The following SQLE variants were observed in gnomAD, a reference collection of about 807,000 sequenced individuals.
SQLE encodes squalene epoxidase, also known as squalene monooxygenase.
Under a neutral mutation model 60.7 loss-of-function variants are expected in SQLE, and 29 were observed. That is an observed-to-expected ratio of 0.48 (90% CI 0.36 to 0.65). The LOEUF is 0.65. Ranked by LOEUF, SQLE falls within the 30% of genes least tolerant of loss-of-function variation. The pLI is 0.00. For missense variants in SQLE, 605 were observed against 684.1 expected (o/e 0.88, Z 1.29); for synonymous variants, 237 against 246.8 (o/e 0.96, Z 0.37).
chr8:125,009,399 T>G, intron 6 of SQLE, 56 bp downstream of exon 6: 1 of 1,474,206 alleles, frequency 6.8e-7, no homozygotes, highest in Middle Eastern at 1.9e-4. Context: ...AGGCCAGAGA[T>G]AAGGATGGCA....
In SQLE at chr8:125,016,665, G is replaced by C. The variant is rs1194271063; in HGVS notation, c.1205-1394G>C. On this transcript the variant is annotated intron_variant, in intron 7 of 10. Coordinates refer to ENST00000265896, the MANE Select transcript of SQLE (RefSeq NM_003129.4). This position sits in a 1 kb window ranked among gnomAD's most constrained non-coding sequence, Gnocchi z 4.1. Reference sequence around the variant, plus strand: ...TTCCTGGATGGTTTTGATGACTGTGGATGTTCACCAATGTCTGGGCATTGA... The same window carrying C: ...TTCCTGGATGGTTTTGATGACTGTGCATGTTCACCAATGTCTGGGCATTGA... Among the ~76,000 whole-genome samples, 1 of 152,130 alleles carries C rather than the reference G, an allele frequency of 6.6e-6. No individual in the cohort carries two copies.
At chr8:125,014,870 A>G (rs1815088697) in intron 7 of SQLE, among the ~76,000 whole-genome samples, 1 of 152,124 alleles carries the variant, frequency 6.6e-6, no homozygotes, top group Non-Finnish European at 1.5e-5. Context: ...TGCTGAGGAG[A>G]AGAATGTGTA....
At chr8:125,006,133 T>G (rs952822448) in intron 3 of SQLE, among the ~76,000 whole-genome samples, 7 of 152,222 alleles carry the variant, frequency 4.6e-5, no homozygotes, top group African/African-American at 1.4e-4. Context: ...AGGACTGGCT[T>G]CTTCTCTTGT....
At chr8:125,021,474 A>G (rs1273152892) in intron 10 of SQLE, among the ~76,000 whole-genome samples, 3 of 143,978 alleles carry the variant, frequency 2.1e-5, no homozygotes, top group Non-Finnish European at 1.5e-5. Flanking sequence ...TGTAAACTAG[A>G]GTTACAGGAG....
intron 1 of SQLE, 40 bp downstream of exon 1, chr8:124,999,734 A>G (rs1272581520): frequency 6.5e-7 from 1 of 1,532,740 alleles, no homozygotes; most frequent in Admixed American, 2.1e-5. Context: ...TGTCTTATTT[A>G]GGAGTAGGAT....
At chr8:125,013,055 G>A (rs1425762615) in intron 7 of SQLE, among the ~76,000 whole-genome samples, 3 of 152,168 alleles carry the variant, frequency 2.0e-5, no homozygotes, top group Non-Finnish European at 4.4e-5. Context: ...GTTGTTTGGA[G>A]AAATGTATAT....
intron 1 of SQLE, among the ~76,000 whole-genome samples, chr8:125,000,553 C>T (rs189263262): frequency 8.7e-4 from 132 of 152,262 alleles, no homozygotes; most frequent in South Asian, 1.7e-3. Context: ...AAGCGATTCT[C>T]GTGCCTCACT....
intron 7 of SQLE, among the ~76,000 whole-genome samples, chr8:125,012,072 C>G (rs16900177): frequency 0.38 from 57,304 of 150,460 alleles, 12,920 homozygotes; most frequent in African/African-American, 0.62. Flanking sequence ...GAGGTGGACA[C>G]TAAGATGAGG....
intron 3 of SQLE, among the ~76,000 whole-genome samples, chr8:125,006,850 ACAT>A (rs1563596984): frequency 1.3e-5 from 2 of 151,536 alleles, no homozygotes; most frequent in Admixed American, 1.3e-4. Flanking sequence ...GATTACAGGC[ACAT>A]GCCACCACGC....
At position 124,998,583 on chromosome 8, in the gene SQLE, G is replaced by C. The variant is rs962977707; in HGVS notation, c.-821G>C. On this transcript the variant is annotated 5_prime_UTR_variant, in exon 1 of 11. Coordinates refer to ENST00000265896, the MANE Select transcript of SQLE (RefSeq NM_003129.4). ...CTGGGGCCGCGCCGCGCTGGCGAGA[G>C]CCGCCGCCCGCGAGGGATGCTGGTG... is the stretch of plus-strand genomic sequence containing the variant. 2 of 685,974 alleles carry C rather than the reference G, an allele frequency of 2.9e-6. No homozygotes were observed. Among genetic ancestry groups the C allele is most frequent in the Non-Finnish European group, 5.3e-6 (2 of 377,594 alleles). The allele number at this position is 685,974 out of a possible 1,614,324, so 42.5% of individuals were successfully genotyped here.
chr8:125,007,225 T>C (rs556420299), intron 3 of SQLE, among the ~76,000 whole-genome samples, 166 bp from the exon 4 acceptor site: 16 of 152,252 alleles, frequency 1.1e-4, no homozygotes, highest in Admixed American at 9.8e-4. Flanking sequence ...ATTAGTAATA[T>C]GTATTAAATG....
In SQLE at chr8:124,999,266, C is replaced by T. The variant is rs758235473; in HGVS notation, c.-138C>T. 1.4e-4 allele frequency: 112 copies of T among 787,290 alleles called. No individual in the cohort carries two copies. The highest frequency in any genetic ancestry group is 1.5e-4 in the Non-Finnish European group (87 of 567,884). The allele number at this position is 787,290 out of a possible 1,614,324, so 48.8% of individuals were successfully genotyped here. ...TTTAAAAACTGGTCTGATCGGACTTCTCGTCCTGGGACACTGTTTACTGGA... is the reference window on the plus strand; with the variant it reads ...TTTAAAAACTGGTCTGATCGGACTTTTCGTCCTGGGACACTGTTTACTGGA... On this transcript the variant is annotated 5_prime_UTR_variant, in exon 1 of 11. Transcript: ENST00000265896.
At chr8:125,011,299 GTATGTT>G in intron 6 of SQLE, 1 of 317,544 alleles carries the variant, frequency 3.1e-6, no homozygotes. Context: ...TCAGTTGTAT[GTATGTT>G]TATATTAATG....
rs1176820854 is a variant in SQLE at position 125,018,174 on chromosome 8, C to T, written c.1320C>T (p.Asp440=). ...LWRKLLKGIP[D]LYDDAAIFEA... is the part of the protein sequence containing the mutation. ...GAAAACTGCTAAAGGGTATCCCTGA[C>T]CTTTATGATGATGCAGCTATTTTCG... Residue 440 remains aspartate, a synonymous_variant, in exon 8 of 11, where the codon GAC becomes GAT. Transcript: ENST00000265896. 1 of 1,606,650 alleles carries T rather than the reference C, an allele frequency of 6.2e-7. No individual in the cohort carries two copies. Among genetic ancestry groups the T allele is most frequent in the Admixed American group, 1.7e-5 (1 of 57,408 alleles).
At chr8:125,002,625 C>T (rs1222297953) in intron 1 of SQLE, among the ~76,000 whole-genome samples, 2 of 152,092 alleles carry the variant, frequency 1.3e-5, no homozygotes, top group Non-Finnish European at 2.9e-5. Flanking sequence ...TGCAGTGATC[C>T]GAGATTGCGC....
In SQLE at chr8:125,006,076, T is replaced by G. The variant is rs1814940977; in HGVS notation, c.725+371T>G. The stretch of plus-strand genomic sequence containing the variant: ...TCTATTAGAAGTCAGGATACAAAAC[T>G]GCAAGGAGAAATCCCTGTTTCATTC... On this transcript the variant is annotated intron_variant, in intron 3 of 10. Transcript: ENST00000265896. 1.3e-5 allele frequency among the ~76,000 whole-genome samples: 2 copies of G among 152,232 alleles called. 1 individual carries two copies. Among genetic ancestry groups the G allele is most frequent in the South Asian group, 4.1e-4 (2 of 4,834 alleles).
intron 10 of SQLE, 21 bp downstream of exon 10, chr8:125,020,892 G>A (rs763949311): frequency 6.3e-7 from 1 of 1,575,084 alleles, no homozygotes; most frequent in Non-Finnish European, 8.7e-7. Flanking sequence ...ATGGCACAGA[G>A]GATACAAACC....
In SQLE at chr8:125,018,099, A is replaced by G; in HGVS notation, c.1245A>G (p.Pro415=). Residue 415 remains proline, a synonymous_variant, in exon 8 of 11, where the codon CCA becomes CCG. Transcript: ENST00000265896. ...LLGDAYNMRH[P]LTGGGMTVAF... is the part of the protein sequence containing the mutation. ...GAGACGCATATAATATGAGGCATCCACTTACTGGTGGAGGAATGACTGTTG... is the reference window on the plus strand; with the variant it reads ...GAGACGCATATAATATGAGGCATCCGCTTACTGGTGGAGGAATGACTGTTG... 6.2e-7 allele frequency: 1 copy of G among 1,613,912 alleles called. No homozygotes were observed. Among genetic ancestry groups the G allele is most frequent in the Non-Finnish European group, 8.5e-7 (1 of 1,179,862 alleles).
Position 125,018,621 on chromosome 8 carries a change from T to C in SQLE, c.1348-10T>C. ...CTTACCATATAATAAATGAGCTATT[T>C]CTTTTTTAGGCCAAAAAATCATTTT... On this transcript the variant is annotated splice_polypyrimidine_tract_variant and intron_variant, in intron 8 of 10. Transcript: ENST00000265896. 1 of 1,584,310 alleles carries C rather than the reference T, an allele frequency of 6.3e-7. No individual in the cohort carries two copies. Among genetic ancestry groups the C allele is most frequent in the Admixed American group, 1.8e-5 (1 of 55,184 alleles).
Sources: gnomAD v4.1 joint callset for allele counts (sites outside exome capture counted in the v4.1 genomes callset) on GRCh38, gnomAD v4.1.1 for gene constraint, Gnocchi (gnomAD v3.1) non-coding constraint, MANE v1.5 for transcripts, NCBI Gene and HGNC (gene_info 2026-07-23, HGNC 2026-07-21) for gene names.